FGD4: variants seen among roughly 807,000 people sequenced by gnomAD.
FGD4 encodes FYVE, RhoGEF and PH domain containing 4, also known as FYVE, RhoGEF and PH domain-containing protein 4.
FGD4 carries 42 observed loss-of-function variants against 102.0 expected under a neutral mutation model. The ratio of observed to expected loss-of-function variants is 0.41; its 90% CI spans 0.32 to 0.53. The LOEUF (loss-of-function observed/expected upper bound fraction) is 0.53, where lower values mean the gene tolerates loss of function less well. Ranked by LOEUF, FGD4 falls within the 20% of genes least tolerant of loss-of-function variation. The pLI, the probability that FGD4 is intolerant of heterozygous loss-of-function variation, is 0.21. For synonymous variants in FGD4, 380 were observed against 375.7 expected, an observed-to-expected ratio of 1.01 and a Z score of -0.13; for missense variants, 902 against 1,078.2, an observed-to-expected ratio of 0.84 and a Z score of 2.29.
chr12:32,598,564 A>G lies in FGD4; in HGVS notation c.1079A>G (p.Asn360Ser). Residue 360 changes from asparagine to serine, a missense_variant, in exon 5 of 17, where the codon AAC (asparagine) becomes AGC (serine). By Grantham distance (46) the Asn-to-Ser change is conservative. Coordinates refer to ENST00000534526, the MANE Select transcript of FGD4 (RefSeq NM_001370298.3). ...TTGCTTACTGAAAGAGCTTATGTCA[A>G]CCGACTTGACCTCTTAGATCAGGTA... ...ELLLTERAYV[N>S]RLDLLDQVFY... is the part of the protein sequence containing the mutation. 2 of 1,613,730 alleles carry G rather than the reference A, an allele frequency of 1.2e-6. No homozygotes were observed. The highest frequency in any genetic ancestry group is 1.7e-6 in the Non-Finnish European group (2 of 1,179,768).
At chr12:32,445,965 G>A (rs1475935232) in intron 1 of FGD4, among the ~76,000 whole-genome samples, 3 of 152,094 alleles carry the variant, frequency 2.0e-5, no homozygotes, top group Admixed American at 6.6e-5. Flanking sequence ...CCAGGACTTC[G>A]AGACCAGCCT....
At position 32,543,015 on chromosome 12, in the gene FGD4, G is replaced by A. The variant is rs114505791; in HGVS notation, c.167-21122G>A. Among the ~76,000 whole-genome samples, 835 of 152,220 alleles carry A rather than the reference G, an allele frequency of 5.5e-3. 11 individuals carry two copies. The highest frequency in any genetic ancestry group is 0.019 in the African/African-American group (798 of 41,528). On this transcript the variant is annotated intron_variant, in intron 1 of 16. Coordinates refer to ENST00000534526, the MANE Select transcript of FGD4 (RefSeq NM_001370298.3). ...ATAGGTGAAACGCTGAGTCCCACAA[G>A]ACTATCCCCACTTTAGATGCCAGTC...
chr12:32,528,183 C>T (rs1405377536), intron 1 of FGD4, among the ~76,000 whole-genome samples: 4 of 152,016 alleles, frequency 2.6e-5, no homozygotes, highest in Non-Finnish European at 5.9e-5. Flanking sequence ...GCAATCCTCC[C>T]GCTTCAGCCT....
intron 3 of FGD4, among the ~76,000 whole-genome samples, chr12:32,576,665 G>A (rs1946151240): frequency 6.6e-6 from 1 of 152,090 alleles, no homozygotes; most frequent in African/African-American, 2.4e-5. Flanking sequence ...CAGTACTGTA[G>A]GCCACCAGCT....
chr12:32,468,238 A>G (rs896195750), intron 1 of FGD4, among the ~76,000 whole-genome samples: 6 of 149,234 alleles, frequency 4.0e-5, no homozygotes, highest in Non-Finnish European at 7.4e-5. Context: ...ATCCTCAATC[A>G]TTGTCTACTG....
At chr12:32,536,131 G>A (rs574952605) in intron 1 of FGD4, among the ~76,000 whole-genome samples, 3 of 151,154 alleles carry the variant, frequency 2.0e-5, no homozygotes, top group East Asian at 1.9e-4. Flanking sequence ...TAAAGCTTAC[G>A]CTTTCAGGCA....
At chr12:32,632,718 T>TTATTTATTTATTTA (rs369780455) in intron 14 of FGD4, among the ~76,000 whole-genome samples, 15 of 148,526 alleles carry the variant, frequency 1.0e-4, no homozygotes, top group Non-Finnish European at 2.2e-4. Flanking sequence ...TATTTATTTT[T>TTATTTATTTATTTA]TTTTTTTGAG....
At position 32,614,899 on chromosome 12, in the gene FGD4, A is replaced by G. The variant is rs112133310; in HGVS notation, c.1749+3616A>G. ...TAATTCCATTTTTCCACAAACTTTT[A>G]AAAGTCTTTTTGTGTCAGTCATGTT... On this transcript the variant is annotated intron_variant, in intron 10 of 16. Transcript: ENST00000534526. Among the ~76,000 whole-genome samples the G allele has an allele frequency of 2.4e-3, 360 of 152,322 alleles. 2 individuals are homozygous for G. The highest frequency in any genetic ancestry group is 8.1e-3 in the African/African-American group (337 of 41,576).
intron 2 of FGD4, 110 bp downstream of exon 2, chr12:32,564,399 T>A: frequency 8.5e-5 from 87 of 1,019,768 alleles, no homozygotes; most frequent in Middle Eastern, 3.3e-4. Context: ...AGGAAGGAAT[T>A]GGGTACATTA....
intron 1 of FGD4, among the ~76,000 whole-genome samples, chr12:32,452,537 A>G (rs1017769789): frequency 2.0e-5 from 3 of 152,236 alleles, no homozygotes; most frequent in Admixed American, 6.5e-5. Flanking sequence ...GCAAAGTAAT[A>G]CAACTGGCTG....
intron 15 of FGD4, among the ~76,000 whole-genome samples, chr12:32,635,654 AAG>A (rs143417935): frequency 1.3e-3 from 203 of 152,252 alleles, no homozygotes; most frequent in African/African-American, 4.6e-3. Flanking sequence ...TATTTGTAAA[AAG>A]AGAGAAAACA....
intron 1 of FGD4, among the ~76,000 whole-genome samples, chr12:32,527,011 A>C (rs1239106744): frequency 6.6e-6 from 1 of 152,196 alleles, no homozygotes; most frequent in Non-Finnish European, 1.5e-5. Context: ...AATCTAGTAT[A>C]GATTAATGGT....
intron 1 of FGD4, 119 bp from the exon 2 acceptor site, chr12:32,564,017 GA>G (rs1944958426): frequency 2.8e-6 from 2 of 706,598 alleles, no homozygotes; most frequent in Non-Finnish European, 2.1e-6. Context: ...GTGGAAAGGG[GA>G]GAGGGAGAGG....
rs2136658406 is a variant in FGD4 at position 32,602,169 on chromosome 12, C to T, written c.1256C>T (p.Thr419Ile). The change falls in exon 7 of 17, where the codon ACT (threonine) becomes ATT (isoleucine). Residue 419 changes from threonine (T) to isoleucine (I), a missense_variant. Physicochemically the swap from Thr to Ile is moderately conservative, Grantham distance 89 (BLOSUM62 -1). Around this residue, in one of 2 missense-constraint regions of FGD4, gnomAD observed 459 missense variants for 619.0 expected, o/e 0.74. Transcript: ENST00000534526. ...LEKRMQEWET[T>I]PRIGDILQKL... ...TTCTATATTTGATACAGGGAAACTACTCCTAGAATTGGAGACATCCTTCAG... is the reference window on the plus strand; with the variant it reads ...TTCTATATTTGATACAGGGAAACTATTCCTAGAATTGGAGACATCCTTCAG... The T allele has an allele frequency of 1.2e-6, 2 of 1,613,950 alleles. No individual in the cohort carries two copies. Among genetic ancestry groups the T allele is most frequent in the East Asian group, 2.2e-5 (1 of 44,862 alleles).
chr12:32,555,908 T>C (rs544578707), intron 1 of FGD4, among the ~76,000 whole-genome samples: 2 of 151,930 alleles, frequency 1.3e-5, no homozygotes, highest in Non-Finnish European at 2.9e-5. Context: ...TGGAGCACAG[T>C]GGTGCAATCA....
At chr12:32,480,082 A>T (rs1339924437) in intron 1 of FGD4, among the ~76,000 whole-genome samples, 1 of 151,802 alleles carries the variant, frequency 6.6e-6, no homozygotes, top group Non-Finnish European at 1.5e-5. Flanking sequence ...ATGAACCACT[A>T]CGCCCTGCCT....
chr12:32,584,593 C>T (rs886216605), intron 4 of FGD4, among the ~76,000 whole-genome samples: 1 of 151,488 alleles, frequency 6.6e-6, no homozygotes, highest in African/African-American at 2.4e-5. Flanking sequence ...TTGTAACCCC[C>T]CCCTCCCAAA....
intron 1 of FGD4, among the ~76,000 whole-genome samples, chr12:32,499,893 C>G (rs1782124813): frequency 6.6e-6 from 1 of 152,224 alleles, no homozygotes; most frequent in South Asian, 2.1e-4. Context: ...TGGCACATGC[C>G]TGTAGTCCCA....
intron 1 of FGD4, among the ~76,000 whole-genome samples, chr12:32,503,714 TA>T (rs1938431248): frequency 6.6e-6 from 1 of 152,244 alleles, no homozygotes. Flanking sequence ...AAAATTTCCT[TA>T]GCATAATCTA....
Sources: allele counts gnomAD v4.1 joint callset (sites outside exome capture counted in the v4.1 genomes callset), GRCh38; gene constraint gnomAD v4.1.1; regional missense constraint gnomAD v4.1.1; transcripts MANE v1.5; gene names NCBI Gene and HGNC (gene_info 2026-07-23, HGNC 2026-07-21).